CFAP54: variants seen among roughly 807,000 people sequenced by gnomAD.
CFAP54 encodes cilia- and flagella-associated protein 54.
In CFAP54, 290 loss-of-function variants were observed where a neutral mutation model predicts 370.4. The ratio of observed to expected loss-of-function variants is 0.78; its 90% CI spans 0.71 to 0.86. The LOEUF is 0.86. Ranked by LOEUF, CFAP54 falls within the 40% of genes least tolerant of loss-of-function variation. CFAP54 has a pLI of 0.00. For synonymous variants in CFAP54, 1,206 were observed against 1,236.5 expected, an observed-to-expected ratio of 0.98 and a Z score of 0.52; for missense variants, 3,399 against 3,528.7, an observed-to-expected ratio of 0.96 and a Z score of 0.93.
intron 40 of CFAP54, chr12:96,682,366 CT>C (rs1957282399): frequency 4.2e-6 from 4 of 961,748 alleles, no homozygotes; most frequent in Non-Finnish European, 4.9e-6. Flanking sequence ...TACTCATTTT[CT>C]TTAAATTTTT....
intron 26 of CFAP54, among the ~76,000 whole-genome samples, chr12:96,616,372 G>T (rs7979990): frequency 3.3e-5 from 5 of 151,416 alleles, no homozygotes; most frequent in African/African-American, 7.3e-5. Flanking sequence ...TGGGGTGGTG[G>T]GAGGGGGGAG....
chr12:96,729,523 T>G (rs1957890016), intron 50 of CFAP54, among the ~76,000 whole-genome samples: 1 of 152,202 alleles, frequency 6.6e-6, no homozygotes, highest in Non-Finnish European at 1.5e-5. Context: ...GGTGCGCTGT[T>G]TCCTAAGCCC....
At chr12:96,723,319 C>T (rs909992019) in intron 50 of CFAP54, among the ~76,000 whole-genome samples, 2 of 151,976 alleles carry the variant, frequency 1.3e-5, no homozygotes, top group Non-Finnish European at 2.9e-5. Flanking sequence ...AGGATCAAGC[C>T]CTGAGTTTTG....
At chr12:96,511,476 G>A (rs1188077781) in intron 4 of CFAP54, among the ~76,000 whole-genome samples, 2 of 152,124 alleles carry the variant, frequency 1.3e-5, no homozygotes, top group Non-Finnish European at 2.9e-5. Context: ...ATACCATCAC[G>A]CCCAGCTACT....
chr12:96,641,991 A>T (rs575339745), intron 32 of CFAP54, among the ~76,000 whole-genome samples: 6 of 152,078 alleles, frequency 3.9e-5, no homozygotes, highest in African/African-American at 1.4e-4. Context: ...TGACGAGTTA[A>T]TGGGTGCAGC....
intron 32 of CFAP54, among the ~76,000 whole-genome samples, chr12:96,643,757 A>G (rs1956760168): frequency 6.6e-6 from 1 of 152,186 alleles, no homozygotes; most frequent in Non-Finnish European, 1.5e-5. Flanking sequence ...AACTAATGTT[A>G]GACAAAATTT....
chr12:96,544,036 C>T (rs1955608923), intron 14 of CFAP54, among the ~76,000 whole-genome samples: 1 of 152,056 alleles, frequency 6.6e-6, no homozygotes, highest in South Asian at 2.1e-4. Context: ...GCAGTTGACC[C>T]TTGAACAATA....
At chr12:96,693,681 T>A in intron 44 of CFAP54, 41 bp from the exon 45 acceptor site, 1 of 1,287,782 alleles carries the variant, frequency 7.8e-7, no homozygotes, top group Non-Finnish European at 1.1e-6. Flanking sequence ...ATTAGTTTGA[T>A]AAAATATATT....
At chr12:96,613,448 C>T (rs1381068207) in intron 26 of CFAP54, among the ~76,000 whole-genome samples, 1 of 152,012 alleles carries the variant, frequency 6.6e-6, no homozygotes, top group Admixed American at 6.6e-5. Context: ...CCTAGCATCA[C>T]AATTAAAAGA....
intron 67 of CFAP54, among the ~76,000 whole-genome samples, chr12:96,867,920 A>T: frequency 6.6e-6 from 1 of 152,218 alleles, no homozygotes; most frequent in Non-Finnish European, 1.5e-5. Context: ...AAAAATAAGT[A>T]TGTGAGGAAA....
intron 1 of CFAP54, among the ~76,000 whole-genome samples, chr12:96,491,947 A>G (rs1011232998): frequency 6.6e-6 from 1 of 151,984 alleles, no homozygotes; most frequent in Non-Finnish European, 1.5e-5. Flanking sequence ...TTTAGTAGAG[A>G]TGGGGTTTCG....
intron 56 of CFAP54, among the ~76,000 whole-genome samples, chr12:96,754,478 A>G (rs1298521709): frequency 1.3e-5 from 2 of 152,176 alleles, no homozygotes; most frequent in African/African-American, 4.8e-5. Context: ...TATGTTCAAT[A>G]TGTATCTCAT....
intron 67 of CFAP54, among the ~76,000 whole-genome samples, chr12:96,863,310 A>G (rs1354123539): frequency 3.3e-5 from 5 of 152,134 alleles, no homozygotes; most frequent in Admixed American, 3.3e-4. Context: ...TTTCTGGAGC[A>G]TTTACCTGAC....
chr12:96,586,623 G>C (rs549487730), intron 22 of CFAP54, among the ~76,000 whole-genome samples: 1 of 152,280 alleles, frequency 6.6e-6, no homozygotes, highest in East Asian at 1.9e-4. Context: ...TTGGTAAACA[G>C]CAGGAAGCTT....
At chr12:96,581,133 C>T in intron 22 of CFAP54, 28 bp downstream of exon 22, 1 of 1,381,968 alleles carries the variant, frequency 7.2e-7, no homozygotes, top group Non-Finnish European at 9.4e-7. Context: ...TAATTTTTTC[C>T]ACTGTGTTTT....
intron 60 of CFAP54, among the ~76,000 whole-genome samples, chr12:96,784,057 T>A (rs182553488): frequency 3.9e-5 from 6 of 152,346 alleles, no homozygotes; most frequent in Admixed American, 2.6e-4. Flanking sequence ...TTTAAATGGC[T>A]TCAAATGATT....
At chr12:96,598,268 A>G (rs1229496867) in intron 25 of CFAP54, among the ~76,000 whole-genome samples, 1 of 152,036 alleles carries the variant, frequency 6.6e-6, no homozygotes, top group African/African-American at 2.4e-5. Context: ...GTAATATTTA[A>G]TATGCCATAT....
rs1955046103 is a variant in CFAP54 at position 96,502,845 on chromosome 12, T to A, written c.424-1041T>A. On this transcript the variant is annotated intron_variant, in intron 2 of 67. Transcript: ENST00000524981. ...TGATTCTGTAATGGGAACATAAGCA[T>A]GAATTTGAATGAATAAAAATCCCAC... Among the ~76,000 whole-genome samples, 3 of 152,248 alleles carry A rather than the reference T, an allele frequency of 2.0e-5. No individual in the cohort carries two copies. In the South Asian group the frequency reaches 6.2e-4, roughly 32 times the overall value.
chr12:96,671,397 T>G (rs376684426), intron 39 of CFAP54, among the ~76,000 whole-genome samples: 9 of 152,198 alleles, frequency 5.9e-5, no homozygotes, highest in South Asian at 4.1e-4. Context: ...GGGGTTTTTT[T>G]TGTGTGTTTA....
Sources: gnomAD v4.1 joint callset for allele counts (sites outside exome capture counted in the v4.1 genomes callset) on GRCh38, gnomAD v4.1.1 for gene constraint, MANE v1.5 for transcripts, NCBI Gene and HGNC (gene_info 2026-07-23, HGNC 2026-07-21) for gene names.